NBEAL1: variants seen among roughly 807,000 people sequenced by gnomAD.
NBEAL1 encodes the protein neurobeachin-like protein 1.
NBEAL1 carries 273 observed loss-of-function variants against 351.3 expected under a neutral mutation model. That is an observed-to-expected ratio of 0.78 (90% CI 0.70 to 0.86). NBEAL1 has a LOEUF of 0.86. Among genes scored for constraint, NBEAL1 ranks in the 40% least tolerant of loss-of-function variants. The probability of loss-of-function intolerance (pLI) is 0.00; values close to 1 mark genes in which losing one functional copy is unlikely to be tolerated. For missense variants in NBEAL1, 2,961 were observed against 3,201.3 expected (o/e 0.92, Z 1.81); for synonymous variants, 1,050 against 1,086.4 (o/e 0.97, Z 0.66).
chr2:203,155,122 C>T (rs2063765011), intron 35 of NBEAL1, among the ~76,000 whole-genome samples: 1 of 150,862 alleles, frequency 6.6e-6, no homozygotes, highest in Admixed American at 6.6e-5. Flanking sequence ...GTCATGTGCG[C>T]CCATGATCCC....
chr2:203,110,094 GA>G, intron 14 of NBEAL1, 55 bp from the exon 15 acceptor site: 1 of 1,466,560 alleles, frequency 6.8e-7, no homozygotes, highest in Non-Finnish European at 9.2e-7. Flanking sequence ...GTACTTTAAT[GA>G]TGATGAAACT....
Position 203,173,337 on chromosome 2 carries a change from T to A in NBEAL1, c.6323+484T>A, listed in dbSNP as rs1018551035. Reference sequence around the variant, plus strand: ...GAAGAAGAAGATTTTATAGTTCTGTTTATGATCTACCCTGTCAACTTCTCA... The same window carrying A: ...GAAGAAGAAGATTTTATAGTTCTGTATATGATCTACCCTGTCAACTTCTCA... On this transcript the variant is annotated intron_variant, in intron 41 of 55. Coordinates refer to ENST00000683969, the MANE Select transcript of NBEAL1 (RefSeq NM_001378026.1). Among the ~76,000 whole-genome samples the A allele has an allele frequency of 2.0e-5, 3 of 152,142 alleles. No homozygotes were observed. In the East Asian group the frequency reaches 5.8e-4, roughly 29 times the overall value.
chr2:203,084,570 G>A lies in NBEAL1; in HGVS notation c.1098+1G>A. 2.0e-6 allele frequency: 3 copies of A among 1,468,662 alleles called. No individual in the cohort carries two copies. Among genetic ancestry groups the A allele is most frequent in the East Asian group, 2.6e-5 (1 of 38,896 alleles). The allele number at this position is 1,468,662 out of a possible 1,614,324, so 91.0% of individuals were successfully genotyped here. The stretch of plus-strand genomic sequence containing the variant: ...CATACGACTGCTACAGAACTGCAAG[G>A]TATTTTTCTATTATTGTTGTTGTCT... On this transcript the variant is annotated splice_donor_variant, in intron 10 of 55. Transcript: ENST00000683969. LOFTEE classifies it high-confidence loss of function.
intron 46 of NBEAL1, chr2:203,190,615 A>G (rs2065042904): frequency 8.7e-6 from 7 of 800,254 alleles, no homozygotes; most frequent in South Asian, 1.7e-5. Context: ...TCCACATGTA[A>G]AACTTCTAAT....
intron 53 of NBEAL1, among the ~76,000 whole-genome samples, chr2:203,210,362 C>CAAA (rs35856692): frequency 6.0e-5 from 6 of 100,454 alleles, no homozygotes; most frequent in African/African-American, 8.0e-5. Flanking sequence ...GACATGGCCT[C>CAAA]AAAAAAAAAA....
rs536305504 is a variant in NBEAL1 at position 203,178,810 on chromosome 2, G to A, written c.6465-1572G>A. On this transcript the variant is annotated intron_variant, in intron 42 of 55. Coordinates refer to ENST00000683969, the MANE Select transcript of NBEAL1 (RefSeq NM_001378026.1). ...GTGAATGGGCAGTGACTGCTAACAG[G>A]TACAACATTTCTTCCTGGAGTAATG... 2.0e-5 allele frequency among the ~76,000 whole-genome samples: 3 copies of A among 152,288 alleles called. No homozygotes were observed. The South Asian group carries it at 6.2e-4, about 32-fold the overall frequency.
At chr2:203,142,878 G>A (rs1198668017) in intron 31 of NBEAL1, among the ~76,000 whole-genome samples, 3 of 152,084 alleles carry the variant, frequency 2.0e-5, no homozygotes, top group Non-Finnish European at 4.4e-5. Context: ...GGGAAAATAT[G>A]AGCAGGGTAG....
chr2:203,151,721 G>A (rs1027207032), intron 35 of NBEAL1, 132 bp downstream of exon 35: 1 of 785,572 alleles, frequency 1.3e-6, no homozygotes, highest in Non-Finnish European at 1.8e-6. Context: ...TGATATTTAA[G>A]TGACTATATG....
chr2:203,083,267 C>T lies in NBEAL1; in HGVS notation c.733C>T (p.Arg245Ter), dbSNP rs944817761. 23 of 1,551,946 alleles carry T rather than the reference C, an allele frequency of 1.5e-5. No individual in the cohort carries two copies. The highest frequency in any genetic ancestry group is 4.8e-5 in the South Asian group (4 of 84,048). ...ISPATMEVLM[R>*]VLADCDSWED... ...TCCAGCCACTATGGAAGTTCTTATG[C>T]GAGTATTGGCAGATTGTGATTCCTG... The change falls in exon 9 of 56, where the codon CGA becomes TGA. Residue 245 changes from arginine (R) to a stop codon, truncating the protein, a stop_gained. Transcript: ENST00000683969. LOFTEE classifies it high-confidence loss of function.
chr2:203,057,161 A>T (rs549252590), intron 5 of NBEAL1, among the ~76,000 whole-genome samples, 165 bp from the exon 6 acceptor site: 13 of 152,338 alleles, frequency 8.5e-5, no homozygotes, highest in Admixed American at 5.2e-4. Context: ...TATTTATTTT[A>T]AAGCTATCGT....
At chr2:203,157,196 G>T (rs1013389631) in intron 35 of NBEAL1, among the ~76,000 whole-genome samples, 1 of 152,026 alleles carries the variant, frequency 6.6e-6, no homozygotes, top group Non-Finnish European at 1.5e-5. Flanking sequence ...TACATGTATT[G>T]CATATAATTG....
intron 42 of NBEAL1, among the ~76,000 whole-genome samples, chr2:203,177,490 A>T (rs1210777027): frequency 6.6e-6 from 1 of 152,166 alleles, no homozygotes; most frequent in Non-Finnish European, 1.5e-5. Context: ...GAGATATGCA[A>T]ATGTTCAGTA....
In NBEAL1 at chr2:203,218,287, C is replaced by G. The variant is rs894323882; in HGVS notation, c.*933C>G. 4 of 149,716 alleles carry G rather than the reference C, an allele frequency of 2.7e-5. No homozygotes were observed. The highest frequency in any genetic ancestry group is 5.9e-5 in the Non-Finnish European group (4 of 67,586). The allele number at this position is 149,716 out of a possible 1,614,324, so 9.3% of individuals were successfully genotyped here. The stretch of plus-strand genomic sequence containing the variant: ...TTTATATATAGTAATTTAAAAATTT[C>G]TATTTCATGTTTTAGGATTATAGCT... On this transcript the variant is annotated 3_prime_UTR_variant, in exon 56 of 56. Transcript: ENST00000683969.
chr2:203,072,796 C>A (rs1048438546), intron 7 of NBEAL1, among the ~76,000 whole-genome samples: 1 of 152,176 alleles, frequency 6.6e-6, no homozygotes, highest in Non-Finnish European at 1.5e-5. Flanking sequence ...CAGCCTCTAC[C>A]CATTACCCAG....
intron 50 of NBEAL1, among the ~76,000 whole-genome samples, chr2:203,202,283 A>G (rs980194525): frequency 6.6e-6 from 1 of 152,200 alleles, no homozygotes; most frequent in African/African-American, 2.4e-5. Context: ...TTTATAGTAT[A>G]GTATGTGCAG....
chr2:203,199,234 T>G (rs1435255130), intron 48 of NBEAL1, 104 bp from the exon 49 acceptor site: 3 of 651,468 alleles, frequency 4.6e-6, no homozygotes, highest in Non-Finnish European at 8.3e-6. Flanking sequence ...AGTCTCACAG[T>G]GTTCCCTAAG....
intron 36 of NBEAL1, 133 bp from the exon 37 acceptor site, chr2:203,166,016 C>T (rs1195465265): frequency 2.6e-6 from 2 of 776,896 alleles, no homozygotes; most frequent in African/African-American, 3.7e-5. Flanking sequence ...CACTGCACTC[C>T]AGCCTGGGTG....
intron 2 of NBEAL1, among the ~76,000 whole-genome samples, chr2:203,035,553 G>T (rs1348786077): frequency 6.7e-6 from 1 of 149,242 alleles, no homozygotes; most frequent in East Asian, 1.9e-4. Flanking sequence ...TATAATAATT[G>T]TGGTAACCAA....
At chr2:203,107,111 G>A (rs1307176614) in intron 12 of NBEAL1, among the ~76,000 whole-genome samples, 1 of 152,002 alleles carries the variant, frequency 6.6e-6, no homozygotes, top group Non-Finnish European at 1.5e-5. Context: ...TACAAATCAA[G>A]TGAAGAAAAT....
Sources: allele counts gnomAD v4.1 joint callset (sites outside exome capture counted in the v4.1 genomes callset), GRCh38; gene constraint gnomAD v4.1.1; transcripts MANE v1.5; gene names NCBI Gene and HGNC (gene_info 2026-07-23, HGNC 2026-07-21).